CA10: variants seen among roughly 807,000 people sequenced by gnomAD.
CA10 encodes carbonic anhydrase-related protein 10.
Under a neutral mutation model 44.2 loss-of-function variants are expected in CA10, and 14 were observed. That is an observed-to-expected ratio of 0.32 (90% CI 0.21 to 0.50). The LOEUF is 0.50. Among genes scored for constraint, CA10 ranks in the 20% least tolerant of loss-of-function variants. The pLI is 0.99. For missense variants in CA10, 350 were observed against 409.7 expected (o/e 0.85, Z 1.26); for synonymous variants, 159 against 141.6 (o/e 1.12, Z -0.87).
chr17:51,731,674 G>GGATTT (rs1567820372), intron 4 of CA10, among the ~76,000 whole-genome samples: 1 of 128,726 alleles, frequency 7.8e-6, no homozygotes, highest in Non-Finnish European at 1.6e-5. Flanking sequence ...AAAAAAAAAA[G>GGATTT]ATTTATTTAT....
chr17:51,823,476 T>C (rs769514139), intron 3 of CA10, among the ~76,000 whole-genome samples: 2 of 152,236 alleles, frequency 1.3e-5, no homozygotes, highest in African/African-American at 2.4e-5. Context: ...GTTCTGCCCA[T>C]CATTTTTACT....
intron 3 of CA10, among the ~76,000 whole-genome samples, chr17:51,804,865 C>G (rs1907068926): frequency 6.6e-6 from 1 of 152,216 alleles, no homozygotes; most frequent in African/African-American, 2.4e-5. Context: ...ATTTATAGCA[C>G]TTTCTTTAAC....
intron 2 of CA10, among the ~76,000 whole-genome samples, chr17:51,933,298 C>A (rs550446861): frequency 6.6e-6 from 1 of 151,918 alleles, no homozygotes; most frequent in African/African-American, 2.4e-5. Flanking sequence ...AATGTAATCA[C>A]AGAAGTCTTT....
At chr17:52,122,752 C>T (rs1989039217) in intron 1 of CA10, among the ~76,000 whole-genome samples, 1 of 152,188 alleles carries the variant, frequency 6.6e-6, no homozygotes, top group Non-Finnish European at 1.5e-5. Flanking sequence ...TTAAATACGC[C>T]TCTTGGGTTC....
At chr17:52,033,187 G>T (rs886321616) in intron 2 of CA10, among the ~76,000 whole-genome samples, 2 of 152,162 alleles carry the variant, frequency 1.3e-5, no homozygotes, top group Non-Finnish European at 2.9e-5. Context: ...CAAGGACAAA[G>T]ATATAGAGTA....
chr17:51,948,210 G>A (rs1227249468), intron 2 of CA10, among the ~76,000 whole-genome samples: 1 of 152,092 alleles, frequency 6.6e-6, no homozygotes, highest in African/African-American at 2.4e-5. Flanking sequence ...CACTCCGCCT[G>A]TATTGCTGGG....
intron 3 of CA10, among the ~76,000 whole-genome samples, chr17:51,891,123 G>A (rs1045978225): frequency 6.6e-6 from 1 of 152,144 alleles, no homozygotes; most frequent in African/African-American, 2.4e-5. Flanking sequence ...AAACGAAATA[G>A]CCCAAAACAA....
intron 1 of CA10, among the ~76,000 whole-genome samples, chr17:52,135,442 T>TA (rs1989335126): frequency 2.0e-5 from 3 of 152,022 alleles, no homozygotes; most frequent in Admixed American, 2.0e-4. Flanking sequence ...AATGCTACCA[T>TA]TTTTTTTGTA....
At chr17:52,034,946 GA>G (rs1270167280) in intron 2 of CA10, among the ~76,000 whole-genome samples, 2 of 152,110 alleles carry the variant, frequency 1.3e-5, no homozygotes, top group Non-Finnish European at 2.9e-5. Flanking sequence ...TTACAAGGTA[GA>G]AGCAATCAGA....
intron 1 of CA10, among the ~76,000 whole-genome samples, chr17:52,091,115 C>G (rs9303594): frequency 0.89 from 135,962 of 152,108 alleles, 60,791 homozygotes; most frequent in Middle Eastern, 0.93. Flanking sequence ...AAAAAATCAG[C>G]ATATAAAAAA....
At chr17:52,111,128 C>G (rs1018430139) in intron 1 of CA10, among the ~76,000 whole-genome samples, 1 of 152,138 alleles carries the variant, frequency 6.6e-6, no homozygotes, top group African/African-American at 2.4e-5. Context: ...TCACATTCCT[C>G]CCCTTCACTG....
intron 2 of CA10, among the ~76,000 whole-genome samples, chr17:52,063,347 A>T (rs1289367677): frequency 6.6e-6 from 1 of 152,170 alleles, no homozygotes; most frequent in Non-Finnish European, 1.5e-5. Context: ...TTTCGGGACC[A>T]TTGGGATAGA....
chr17:51,753,671 C>T (rs577017450), intron 3 of CA10, among the ~76,000 whole-genome samples: 1 of 152,248 alleles, frequency 6.6e-6, no homozygotes, highest in South Asian at 2.1e-4. Flanking sequence ...AGATATTAGG[C>T]TAAACCCATA....
intron 2 of CA10, among the ~76,000 whole-genome samples, chr17:52,059,671 T>TA (rs80080858): frequency 7.0e-4 from 103 of 148,184 alleles, no homozygotes; most frequent in African/African-American, 1.7e-3. Context: ...TAAAGTATAA[T>TA]AAAAAAAAAA....
intron 2 of CA10, among the ~76,000 whole-genome samples, chr17:52,050,487 C>G (rs937069636): frequency 2.6e-5 from 4 of 152,122 alleles, no homozygotes; most frequent in Admixed American, 2.6e-4. Context: ...GTATATCATG[C>G]ATGCCACTAC....
chr17:52,097,401 C>G (rs1252632643), intron 1 of CA10, among the ~76,000 whole-genome samples: 1 of 152,134 alleles, frequency 6.6e-6, no homozygotes, highest in Non-Finnish European at 1.5e-5. Flanking sequence ...TTTTGTACAT[C>G]AAATGGTTTA....
Position 51,708,970 on chromosome 17 carries a change from G to C in CA10, c.465+38663C>G, listed in dbSNP as rs555324460. On this transcript the variant is annotated intron_variant, in intron 4 of 8. Coordinates refer to ENST00000451037, the MANE Select transcript of CA10 (RefSeq NM_020178.5). ...CTGGGACTGGCTTCCCTGCTCCTCA[G>C]GTTGCAGACGGTCTATTGTGGGACT... is the stretch of plus-strand genomic sequence containing the variant. 1.1e-3 allele frequency among the ~76,000 whole-genome samples: 174 copies of C among 152,294 alleles called. 1 individual carries two copies. The highest frequency in any genetic ancestry group is 4.0e-3 in the African/African-American group (166 of 41,566).
intron 3 of CA10, chr17:51,748,670 A>G (rs897971058): frequency 1.8e-5 from 3 of 164,142 alleles, no homozygotes; most frequent in Admixed American, 6.5e-5. Flanking sequence ...TGAGTCTGGA[A>G]GGAGTGTTTC....
chr17:52,025,964 GTA>G (rs916585181), intron 2 of CA10, among the ~76,000 whole-genome samples: 34 of 151,904 alleles, frequency 2.2e-4, no homozygotes, highest in African/African-American at 7.5e-4. Context: ...TATACACATA[GTA>G]TATATGTATA....
Sources: gnomAD v4.1 joint callset for allele counts (sites outside exome capture counted in the v4.1 genomes callset) on GRCh38, gnomAD v4.1.1 for gene constraint, MANE v1.5 for transcripts, NCBI Gene and HGNC (gene_info 2026-07-23, HGNC 2026-07-21) for gene names.